The following CYRIA variants were observed in gnomAD, a reference collection of about 807,000 sequenced individuals.
CYRIA encodes the protein CYFIP related Rac1 interactor A.
In CYRIA, 15 loss-of-function variants were observed where a neutral mutation model predicts 43.9. That is an observed-to-expected ratio of 0.34 (90% CI 0.23 to 0.53). CYRIA has a LOEUF of 0.53. CYRIA is among the 20% of genes least tolerant of loss of function. CYRIA has a pLI of 0.94. For synonymous variants in CYRIA, 117 were observed against 136.0 expected, an observed-to-expected ratio of 0.86 and a Z score of 0.97; for missense variants, 236 against 394.2, an observed-to-expected ratio of 0.60 and a Z score of 3.40.
chr2:16,563,400 T>C (rs553818051), intron 5 of CYRIA, among the ~76,000 whole-genome samples: 13 of 152,210 alleles, frequency 8.5e-5, no homozygotes, highest in African/African-American at 2.6e-4. Flanking sequence ...AAAAGTAGAG[T>C]AGAACATGCC....
rs1201217353 is a variant in CYRIA at position 16,551,985 on chromosome 2, T to C, written c.*951A>G. ...TTCCCTCTAAATTCCCCTAGTTTTC[T>C]GGTAACTAATGCAGTATCCTAGACC... On this transcript the variant is annotated 3_prime_UTR_variant, in exon 12 of 12. Transcript: ENST00000381323. 1 of 152,138 alleles carries C rather than the reference T, an allele frequency of 6.6e-6. No homozygotes were observed. Among genetic ancestry groups the C allele is most frequent in the Non-Finnish European group, 1.5e-5 (1 of 68,012 alleles). The allele number at this position is 152,138 out of a possible 1,614,324, so 9.4% of individuals were successfully genotyped here. A position where few individuals can be genotyped will look rare whatever the true frequency, so the allele number is the denominator to read the frequency against.
At chr2:16,562,474 T>C (rs1389474909) in intron 5 of CYRIA, among the ~76,000 whole-genome samples, 2 of 152,134 alleles carry the variant, frequency 1.3e-5, no homozygotes, top group African/African-American at 4.8e-5. Flanking sequence ...GAGACAGCCA[T>C]TCATGATTCA....
chr2:16,645,353 C>G (rs563847896), intron 1 of CYRIA, among the ~76,000 whole-genome samples: 2 of 152,214 alleles, frequency 1.3e-5, no homozygotes, highest in African/African-American at 4.8e-5. Flanking sequence ...CAGTCTGGAA[C>G]TAGGTACCTC....
chr2:16,636,014 G>A (rs1298946418), intron 1 of CYRIA, among the ~76,000 whole-genome samples: 1 of 152,114 alleles, frequency 6.6e-6, no homozygotes, highest in African/African-American at 2.4e-5. Flanking sequence ...AACAGAATCT[G>A]ATCAGGCTGG....
chr2:16,604,324 G>T (rs1668303353), intron 2 of CYRIA, among the ~76,000 whole-genome samples: 2 of 152,204 alleles, frequency 1.3e-5, no homozygotes, highest in Non-Finnish European at 2.9e-5. Context: ...GGCAGCCAGG[G>T]CGGCCACTGT....
chr2:16,591,045 A>G, intron 2 of CYRIA, among the ~76,000 whole-genome samples: 1 of 152,124 alleles, frequency 6.6e-6, no homozygotes, highest in East Asian at 1.9e-4. Context: ...TGCATGACAG[A>G]TTACTCTCCA....
In CYRIA at chr2:16,565,740, T is replaced by C; in HGVS notation, c.98A>G (p.Glu33Gly). ...ENAQPTEGER[E>G]IWNQISAVLQ... The stretch of plus-strand genomic sequence containing the variant: ...GACGGCGCTGATCTGGTTCCAGATT[T>C]CTCTCTCTCCTTCTGTAGGCTGAGC... Residue 33 changes from glutamate to glycine, a missense_variant, in exon 4 of 12, where the codon GAA (glutamate) becomes GGA (glycine). By Grantham distance (98) the Glu-to-Gly change is moderately conservative. Transcript: ENST00000381323. The C allele has an allele frequency of 6.3e-7, 1 of 1,583,702 alleles. No homozygotes were observed. The highest frequency in any genetic ancestry group is 1.7e-5 in the Admixed American group (1 of 59,432).
At chr2:16,574,123 T>G (rs959774876) in intron 3 of CYRIA, among the ~76,000 whole-genome samples, 3 of 152,146 alleles carry the variant, frequency 2.0e-5, no homozygotes, top group African/African-American at 7.2e-5. Context: ...CAGGTGGAGA[T>G]GAAAAACTTG....
intron 1 of CYRIA, among the ~76,000 whole-genome samples, chr2:16,654,840 A>C (rs922158363): frequency 1.3e-5 from 2 of 152,216 alleles, no homozygotes; most frequent in African/African-American, 4.8e-5. Flanking sequence ...ACTATGAAAA[A>C]TTAAGGGTCA....
Position 16,555,060 on chromosome 2 carries a change from G to A in CYRIA, c.908+9C>T. The A allele has an allele frequency of 6.2e-7, 1 of 1,612,126 alleles. No individual in the cohort carries two copies. The highest frequency in any genetic ancestry group is 1.1e-5 in the South Asian group (1 of 90,968). Reference sequence around the variant, plus strand: ...GTTCCCTGTGAGCTGACACAGGGTTGAAGCTCACCTGAGGGCATTTAGCAG... The same window carrying A: ...GTTCCCTGTGAGCTGACACAGGGTTAAAGCTCACCTGAGGGCATTTAGCAG... On this transcript the variant is annotated intron_variant, in intron 11 of 11. Transcript: ENST00000381323.
At position 16,578,786 on chromosome 2, in the gene CYRIA, A is replaced by G. The variant is rs189486819; in HGVS notation, c.70+9264T>C. On this transcript the variant is annotated intron_variant, in intron 3 of 11. Transcript: ENST00000381323. ...TCTGAGATCTGTGAAGCAATGTCAA[A>G]TCACCTTACTTATATAATTGGTGTC... Among the ~76,000 whole-genome samples, 18 of 152,282 alleles carry G rather than the reference A, an allele frequency of 1.2e-4. No homozygotes were observed. The East Asian group carries it at 2.9e-3, about 24-fold the overall frequency.
chr2:16,643,713 A>G (rs924822496), intron 1 of CYRIA, among the ~76,000 whole-genome samples: 6 of 152,192 alleles, frequency 3.9e-5, no homozygotes, highest in African/African-American at 9.7e-5. Context: ...GGCTCACATC[A>G]GTGTTGCCCA....
chr2:16,662,807 G>C (rs973460797), intron 1 of CYRIA, among the ~76,000 whole-genome samples: 2 of 152,190 alleles, frequency 1.3e-5, no homozygotes, highest in African/African-American at 4.8e-5. Flanking sequence ...GGGTGACCTA[G>C]TCAAGTGGCC....
chr2:16,617,715 G>A (rs112391365), intron 2 of CYRIA, among the ~76,000 whole-genome samples: 4,351 of 152,284 alleles, frequency 0.029, 96 homozygotes, highest in South Asian at 0.064. Context: ...TCCCTCCAGC[G>A]GGGCTTCCTG....
At chr2:16,584,128 T>A (rs1448941884) in intron 3 of CYRIA, among the ~76,000 whole-genome samples, 1 of 152,170 alleles carries the variant, frequency 6.6e-6, no homozygotes, top group Non-Finnish European at 1.5e-5. Flanking sequence ...AGCCTCTATA[T>A]TCAAAGCAAC....
chr2:16,634,379 A>G (rs1669429237), intron 1 of CYRIA, among the ~76,000 whole-genome samples: 1 of 152,222 alleles, frequency 6.6e-6, no homozygotes, highest in Non-Finnish European at 1.5e-5. Flanking sequence ...CCTCCCAAGC[A>G]TCTTACAGTA....
chr2:16,576,973 T>C (rs758504655), intron 3 of CYRIA, among the ~76,000 whole-genome samples: 10 of 152,120 alleles, frequency 6.6e-5, no homozygotes, highest in Non-Finnish European at 1.3e-4. Context: ...GTCAAAGTCA[T>C]AGAAACAGAG....
intron 3 of CYRIA, among the ~76,000 whole-genome samples, chr2:16,580,063 T>G (rs936664975): frequency 3.9e-5 from 6 of 152,132 alleles, no homozygotes; most frequent in Admixed American, 3.9e-4. Context: ...TCCTCCTGCC[T>G]CAGCCTCCTG....
intron 7 of CYRIA, 22 bp downstream of exon 7, chr2:16,561,434 T>G (rs1326827715): frequency 6.2e-7 from 1 of 1,611,706 alleles, no homozygotes; most frequent in Non-Finnish European, 8.5e-7. Context: ...GGTGCAAAGG[T>G]CAAGGCGACC....
Sources: allele counts gnomAD v4.1 joint callset (sites outside exome capture counted in the v4.1 genomes callset), GRCh38; gene constraint gnomAD v4.1.1; transcripts MANE v1.5; gene names NCBI Gene and HGNC (gene_info 2026-07-23, HGNC 2026-07-21).